The following THSD7B variants were observed in gnomAD, a reference collection of about 807,000 sequenced individuals.
The protein encoded by THSD7B is thrombospondin type 1 domain containing 7B, also known as thrombospondin type-1 domain-containing protein 7B.
In THSD7B, 138 loss-of-function variants were observed where a neutral mutation model predicts 213.6. The ratio of observed to expected loss-of-function variants is 0.65; its 90% confidence interval spans 0.56 to 0.74. The LOEUF is 0.74. Among genes scored for constraint, THSD7B ranks in the 30% least tolerant of loss-of-function variants. The pLI is 0.00. For missense variants in THSD7B, 1,931 were observed against 1,991.5 expected, an observed-to-expected ratio of 0.97 and a Z score of 0.58; for synonymous variants, 742 against 687.0, an observed-to-expected ratio of 1.08 and a Z score of -1.25.
intron 2 of THSD7B, among the ~76,000 whole-genome samples, chr2:136,981,582 A>G (rs932430488): frequency 5.3e-5 from 8 of 152,308 alleles, no homozygotes; most frequent in African/African-American, 1.9e-4. Flanking sequence ...TTGACCTTGT[A>G]GCATGGCCTG....
At chr2:137,462,979 A>C (rs1217745824) in intron 15 of THSD7B, among the ~76,000 whole-genome samples, 1 of 152,152 alleles carries the variant, frequency 6.6e-6, no homozygotes, top group Non-Finnish European at 1.5e-5. Flanking sequence ...AAACAAGTCC[A>C]TGCATAGTAA....
chr2:136,973,148 C>A (rs1488838389), intron 2 of THSD7B, among the ~76,000 whole-genome samples: 2 of 152,160 alleles, frequency 1.3e-5, no homozygotes, highest in South Asian at 4.2e-4. Context: ...AAGATTATGA[C>A]TGGTGAATAT....
chr2:137,476,909 G>A lies in THSD7B; in HGVS notation c.3138+25886G>A, dbSNP rs137877434. ...TATGATCTTGATTTTTTAAAAATTT[G>A]TTGATATTTGTTTAGTGTTCTAACA... On this transcript the variant is annotated intron_variant, in intron 15 of 27. Coordinates refer to ENST00000409968, the MANE Select transcript of THSD7B (RefSeq NM_001316349.2). Among the ~76,000 whole-genome samples the A allele has an allele frequency of 9.9e-3, 1,504 of 152,256 alleles. 18 individuals are homozygous for A. The highest frequency in any genetic ancestry group is 0.034 in the African/African-American group (1,424 of 41,540).
At chr2:137,648,042 G>T (rs187984661) in intron 21 of THSD7B, among the ~76,000 whole-genome samples, 1 of 152,020 alleles carries the variant, frequency 6.6e-6, no homozygotes, top group African/African-American at 2.4e-5. Flanking sequence ...GACTAAAATC[G>T]AAGATACTCA....
intron 15 of THSD7B, among the ~76,000 whole-genome samples, chr2:137,513,648 T>C (rs1051210774): frequency 1.3e-5 from 2 of 152,104 alleles, no homozygotes; most frequent in African/African-American, 4.8e-5. Flanking sequence ...ATTAAAAAAG[T>C]TATTATTATT....
intron 1 of THSD7B, among the ~76,000 whole-genome samples, chr2:136,809,986 A>T (rs1392908683): frequency 6.6e-6 from 1 of 152,134 alleles, no homozygotes; most frequent in Non-Finnish European, 1.5e-5. Flanking sequence ...AGCAGGCAGC[A>T]CCCTTTTTGC....
intron 12 of THSD7B, among the ~76,000 whole-genome samples, chr2:137,387,797 T>C (rs1558779123): frequency 6.6e-6 from 1 of 152,176 alleles, no homozygotes; most frequent in Admixed American, 6.5e-5. Flanking sequence ...TACCTAACCA[T>C]TACACGTCCC....
chr2:136,895,250 T>C (rs1429725920), intron 2 of THSD7B, among the ~76,000 whole-genome samples: 3 of 152,194 alleles, frequency 2.0e-5, no homozygotes, highest in African/African-American at 7.2e-5. Flanking sequence ...TATTTTACAG[T>C]TGAAGAAACT....
intron 10 of THSD7B, among the ~76,000 whole-genome samples, chr2:137,252,145 T>C (rs943478962): frequency 6.6e-6 from 1 of 151,026 alleles, no homozygotes; most frequent in African/African-American, 2.4e-5. Flanking sequence ...CACATGCCTG[T>C]AATCCCAGCT....
At chr2:137,471,949 T>G (rs1299005059) in intron 15 of THSD7B, among the ~76,000 whole-genome samples, 1 of 152,198 alleles carries the variant, frequency 6.6e-6, no homozygotes, top group Non-Finnish European at 1.5e-5. Flanking sequence ...GGAATTCAAG[T>G]CTCTATCAAA....
At chr2:137,357,654 T>C (rs1573980727) in intron 12 of THSD7B, among the ~76,000 whole-genome samples, 2 of 152,320 alleles carry the variant, frequency 1.3e-5, no homozygotes, top group South Asian at 2.1e-4. Flanking sequence ...AAAATAAATT[T>C]GGAGAAAATG....
At chr2:137,465,233 A>G (rs960612000) in intron 15 of THSD7B, among the ~76,000 whole-genome samples, 2 of 151,872 alleles carry the variant, frequency 1.3e-5, no homozygotes, top group Non-Finnish European at 2.9e-5. Context: ...AGCCCCTTCA[A>G]TGGCATTCCC....
chr2:136,958,535 T>G (rs1685163982), intron 2 of THSD7B, among the ~76,000 whole-genome samples: 1 of 152,202 alleles, frequency 6.6e-6, no homozygotes, highest in Non-Finnish European at 1.5e-5. Flanking sequence ...TTTTGGCATT[T>G]CACTTAAGGG....
intron 15 of THSD7B, among the ~76,000 whole-genome samples, chr2:137,509,198 C>G (rs1013926322): frequency 6.6e-6 from 1 of 152,140 alleles, no homozygotes; most frequent in Non-Finnish European, 1.5e-5. Context: ...AATGATAGCC[C>G]TGTGTAGCCT....
chr2:136,817,945 G>T (rs1452738193), intron 1 of THSD7B, among the ~76,000 whole-genome samples: 4 of 151,104 alleles, frequency 2.6e-5, no homozygotes, highest in African/African-American at 7.3e-5. Flanking sequence ...TTACACTGTT[G>T]TTGGGACTGT....
At position 137,094,090 on chromosome 2, in the gene THSD7B, T is replaced by G. The variant is rs560894150; in HGVS notation, c.951-783T>G. Among the ~76,000 whole-genome samples the G allele has an allele frequency of 2.0e-5, 3 of 152,374 alleles. No homozygotes were observed. The East Asian group carries it at 5.8e-4, about 29-fold the overall frequency. On this transcript the variant is annotated intron_variant, in intron 3 of 27. Transcript: ENST00000409968. ...GTGAATATTCTAGTTTATATTTACC[T>G]TTTTGATACTGTACAAATTACTTAG...
intron 3 of THSD7B, among the ~76,000 whole-genome samples, chr2:137,064,586 T>C (rs978804452): frequency 3.9e-5 from 6 of 152,066 alleles, no homozygotes; most frequent in African/African-American, 1.4e-4. Flanking sequence ...ATTTCAATGT[T>C]TGAAGAGTTT....
At chr2:137,065,641 G>A (rs1477556424) in intron 3 of THSD7B, among the ~76,000 whole-genome samples, 2 of 151,550 alleles carry the variant, frequency 1.3e-5, no homozygotes, top group African/African-American at 4.9e-5. Context: ...TGTCCTCTCT[G>A]ATTTTAATGG....
At chr2:137,419,528 G>T in intron 14 of THSD7B, among the ~76,000 whole-genome samples, 1 of 151,560 alleles carries the variant, frequency 6.6e-6, no homozygotes, top group Non-Finnish European at 1.5e-5. Flanking sequence ...CCTCAGTGTG[G>T]CTGGGTCCAG....
Sources: gnomAD v4.1 joint callset for allele counts (sites outside exome capture counted in the v4.1 genomes callset) on GRCh38, gnomAD v4.1.1 for gene constraint, MANE v1.5 for transcripts, NCBI Gene and HGNC (gene_info 2026-07-23, HGNC 2026-07-21) for gene names.